Variants in MYO3B observed in about 807,000 individuals in gnomAD.
MYO3B encodes the protein myosin-IIIb.
In MYO3B, 156 loss-of-function variants were observed where a neutral mutation model predicts 174.6. That is an observed-to-expected ratio of 0.89 (90% CI 0.78 to 1.02). MYO3B has a LOEUF of 1.02. MYO3B is among the 50% of genes least tolerant of loss of function. The pLI, the probability that MYO3B is intolerant of heterozygous loss-of-function variation, is 0.00. For synonymous variants in MYO3B, 563 were observed against 569.1 expected, an observed-to-expected ratio of 0.99 and a Z score of 0.15; for missense variants, 1,632 against 1,639.4, an observed-to-expected ratio of 1.00 and a Z score of 0.08.
chr2:170,349,707 G>C (rs1207786939), intron 8 of MYO3B: 1 of 147,810 alleles, frequency 6.8e-6, no homozygotes, highest in Non-Finnish European at 1.5e-5. Context: ...GCTGAGGCAG[G>C]AGATCACTGG....
chr2:170,364,043 TGAAACACTGTCTTTTGCA>T (rs944823446), intron 8 of MYO3B, among the ~76,000 whole-genome samples: 1 of 152,286 alleles, frequency 6.6e-6, no homozygotes, highest in Admixed American at 6.5e-5. Context: ...CTCCCCAGGT[TGAAACACTGTCTTTTGCA>T]GAAACAATAG....
chr2:170,501,759 C>T (rs779652911), intron 27 of MYO3B, 26 bp from the exon 28 acceptor site: 2 of 1,506,766 alleles, frequency 1.3e-6, no homozygotes, highest in Non-Finnish European at 1.8e-6. Flanking sequence ...TAATGTCATT[C>T]CTAGCACATG....
intron 32 of MYO3B, 28 bp from the exon 33 acceptor site, chr2:170,651,600 T>G (rs1699015189): frequency 6.2e-7 from 1 of 1,602,054 alleles, no homozygotes; most frequent in South Asian, 1.1e-5. Flanking sequence ...CTCGGACAGT[T>G]TACAGCAAAG....
At chr2:170,180,293 G>C (rs2092381935) in intron 1 of MYO3B, 1 of 302,886 alleles carries the variant, frequency 3.3e-6, no homozygotes, top group African/African-American at 2.2e-5. Flanking sequence ...ACTCAAATCA[G>C]CTCATGAAAA....
chr2:170,208,324 G>C (rs1299148166), intron 3 of MYO3B, among the ~76,000 whole-genome samples: 1 of 152,190 alleles, frequency 6.6e-6, no homozygotes, highest in Non-Finnish European at 1.5e-5. Flanking sequence ...CAACAAGGGA[G>C]AGAAAAGGAT....
Position 170,591,038 on chromosome 2 carries a change from G to A in MYO3B, c.3733+47050G>A, listed in dbSNP as rs146615583. On this transcript the variant is annotated intron_variant, in intron 32 of 34. Transcript: ENST00000408978. ...ACATAATAACAGATTTGCTCTCAACGTTTAAAAGTGAACATTATCAAAGTG... is the reference window on the plus strand; with the variant it reads ...ACATAATAACAGATTTGCTCTCAACATTTAAAAGTGAACATTATCAAAGTG... 7.2e-5 allele frequency among the ~76,000 whole-genome samples: 11 copies of A among 152,272 alleles called. No individual in the cohort carries two copies. In the East Asian group the frequency reaches 1.3e-3, roughly 19 times the overall value.
intron 32 of MYO3B, among the ~76,000 whole-genome samples, chr2:170,608,718 T>G (rs1476722414): frequency 6.6e-6 from 1 of 152,092 alleles, no homozygotes; most frequent in Non-Finnish European, 1.5e-5. Context: ...TATGTGTGTG[T>G]GTGTTTCAGC....
At chr2:170,352,060 C>T (rs2094076612) in intron 8 of MYO3B, among the ~76,000 whole-genome samples, 1 of 152,214 alleles carries the variant, frequency 6.6e-6, no homozygotes, top group African/African-American at 2.4e-5. Flanking sequence ...TCAAGCGATC[C>T]TCTTGCCTCA....
At chr2:170,222,248 G>T (rs549214146) in intron 6 of MYO3B, among the ~76,000 whole-genome samples, 1 of 152,316 alleles carries the variant, frequency 6.6e-6, no homozygotes, top group South Asian at 2.1e-4. Flanking sequence ...ATAGCCACAG[G>T]TGAAGGCACT....
chr2:170,281,042 A>G (rs2093505180), intron 7 of MYO3B, among the ~76,000 whole-genome samples: 1 of 152,188 alleles, frequency 6.6e-6, no homozygotes, highest in Admixed American at 6.5e-5. Context: ...TAGGAATAGC[A>G]TTGATTATAT....
intron 32 of MYO3B, among the ~76,000 whole-genome samples, chr2:170,622,606 G>A (rs1462922282): frequency 1.3e-5 from 2 of 151,826 alleles, no homozygotes; most frequent in Admixed American, 6.6e-5. Context: ...AAGTTCTAGG[G>A]TACATGTGCA....
In MYO3B at chr2:170,463,956, C is replaced by T. The variant is rs540769678; in HGVS notation, c.2808+511C>T. Among the ~76,000 whole-genome samples the T allele has an allele frequency of 2.3e-4, 35 of 152,242 alleles. No homozygotes were observed. The South Asian group carries it at 7.1e-3, about 31-fold the overall frequency. On this transcript the variant is annotated intron_variant, in intron 24 of 34. Transcript: ENST00000408978. ...TGCACATTATATAGCAAAGATAAGA[C>T]ATATACACTCTTGCACAGATTTGTT...
At chr2:170,469,117 C>T (rs1684817769) in intron 25 of MYO3B, among the ~76,000 whole-genome samples, 1 of 152,200 alleles carries the variant, frequency 6.6e-6, no homozygotes, top group Non-Finnish European at 1.5e-5. Flanking sequence ...GCCAGGGCGA[C>T]GGAGTGAGAC....
intron 25 of MYO3B, among the ~76,000 whole-genome samples, chr2:170,482,774 T>A (rs532936533): frequency 6.6e-6 from 1 of 152,192 alleles, no homozygotes; most frequent in Non-Finnish European, 1.5e-5. Context: ...TCTGAGGCAA[T>A]AGAGGTAAAA....
intron 8 of MYO3B, among the ~76,000 whole-genome samples, chr2:170,341,805 A>G (rs1297481740): frequency 1.3e-5 from 2 of 152,230 alleles, no homozygotes; most frequent in Non-Finnish European, 2.9e-5. Flanking sequence ...CTTCAAGGTT[A>G]TATCTCCCTG....
chr2:170,378,812 G>C (rs1042524635), intron 9 of MYO3B, among the ~76,000 whole-genome samples: 5 of 152,144 alleles, frequency 3.3e-5, no homozygotes, highest in African/African-American at 1.2e-4. Flanking sequence ...GTGAAGCTTG[G>C]CATTTCTGTA....
intron 7 of MYO3B, among the ~76,000 whole-genome samples, chr2:170,257,589 C>T (rs991401829): frequency 2.0e-5 from 3 of 151,888 alleles, no homozygotes; most frequent in African/African-American, 7.3e-5. Context: ...GCAAAACCAG[C>T]GTTAAGAGGG....
At chr2:170,440,949 G>A (rs1052200247) in intron 22 of MYO3B, among the ~76,000 whole-genome samples, 2 of 150,996 alleles carry the variant, frequency 1.3e-5, no homozygotes, top group Non-Finnish European at 3.0e-5. Context: ...TTACAGGCGC[G>A]TGCCACCACG....
At chr2:170,263,083 C>A (rs970355645) in intron 7 of MYO3B, among the ~76,000 whole-genome samples, 4 of 152,130 alleles carry the variant, frequency 2.6e-5, no homozygotes, top group Non-Finnish European at 5.9e-5. Context: ...ATCTTAGAAC[C>A]AGACTTTGGT....
Sources: gnomAD v4.1 joint callset for allele counts (sites outside exome capture counted in the v4.1 genomes callset) on GRCh38, gnomAD v4.1.1 for gene constraint, MANE v1.5 for transcripts, NCBI Gene and HGNC (gene_info 2026-07-23, HGNC 2026-07-21) for gene names.